STXBP4: variants seen among roughly 807,000 people sequenced by gnomAD.
STXBP4 encodes syntaxin binding protein 4.
STXBP4 carries 55 observed loss-of-function variants against 76.1 expected under a neutral mutation model. The ratio of observed to expected loss-of-function variants is 0.72; its 90% CI spans 0.58 to 0.91. The LOEUF is 0.91. STXBP4 is among the 40% of genes least tolerant of loss of function. STXBP4 has a pLI of 0.00. For synonymous variants in STXBP4, 201 were observed against 220.2 expected, an observed-to-expected ratio of 0.91 and a Z score of 0.77; for missense variants, 618 against 636.9, an observed-to-expected ratio of 0.97 and a Z score of 0.32.
At chr17:55,178,751 T>C in the STXBP4 span, among the ~76,000 whole-genome samples, 1 of 152,196 alleles carries the variant, frequency 6.6e-6, no homozygotes, top group Admixed American at 6.5e-5. Flanking sequence ...CCAGGACAGC[T>C]GAGGTCCAGT....
intron 8 of STXBP4, among the ~76,000 whole-genome samples, chr17:55,011,241 A>T (rs1208967132): frequency 2.6e-5 from 4 of 151,838 alleles, no homozygotes; most frequent in African/African-American, 9.7e-5. Flanking sequence ...TATTTTTTTT[A>T]ATTTTTTTTA....
At chr17:55,037,858 CATT>C (rs1312313871) in intron 10 of STXBP4, among the ~76,000 whole-genome samples, 2 of 152,098 alleles carry the variant, frequency 1.3e-5, no homozygotes, top group African/African-American at 4.8e-5. Context: ...TCTGAAGAAA[CATT>C]ATAAAAATCA....
intron 7 of STXBP4, among the ~76,000 whole-genome samples, chr17:55,006,165 A>G (rs775310039): frequency 6.6e-6 from 1 of 152,102 alleles, no homozygotes; most frequent in Non-Finnish European, 1.5e-5. Context: ...TTCAAAGTTT[A>G]ATTCCATTTG....
intron 1 of STXBP4, among the ~76,000 whole-genome samples, chr17:54,973,613 C>T (rs925002657): frequency 8.5e-5 from 13 of 152,134 alleles, no homozygotes; most frequent in Admixed American, 7.2e-4. Context: ...ATTTTTTTCT[C>T]TAAAGCTTTA....
At chr17:54,972,596 T>C (rs933624213) in intron 1 of STXBP4, among the ~76,000 whole-genome samples, 6 of 152,356 alleles carry the variant, frequency 3.9e-5, no homozygotes, top group Admixed American at 3.9e-4. Context: ...CATCACTTCC[T>C]TATTTTCTGG....
At chr17:55,147,797 A>G (rs1250559700) in intron 17 of STXBP4, among the ~76,000 whole-genome samples, 1 of 152,216 alleles carries the variant, frequency 6.6e-6, no homozygotes, top group Non-Finnish European at 1.5e-5. Context: ...TCTGTTGATA[A>G]TAGCTGTCTC....
At chr17:55,000,786 T>A (rs2077898534) in intron 6 of STXBP4, 22 bp from the exon 7 acceptor site, 1 of 1,512,814 alleles carries the variant, frequency 6.6e-7, no homozygotes, top group Non-Finnish European at 9.2e-7. Context: ...TGACATTGCA[T>A]GTTCCTCATT....
chr17:54,995,614 T>C (rs1041979063), intron 4 of STXBP4, among the ~76,000 whole-genome samples: 49 of 152,200 alleles, frequency 3.2e-4, no homozygotes, highest in African/African-American at 1.1e-3. Context: ...TTTGTGGCAT[T>C]GAAGTAGGAC....
At chr17:55,210,662 C>T in the STXBP4 span, among the ~76,000 whole-genome samples, 1 of 152,138 alleles carries the variant, frequency 6.6e-6, no homozygotes, top group Non-Finnish European at 1.5e-5. Flanking sequence ...TTAAAATATA[C>T]ACAGATATTG....
At chr17:55,043,565 G>A in intron 11 of STXBP4, 2 of 1,485,440 alleles carry the variant, frequency 1.3e-6, no homozygotes, top group Non-Finnish European at 1.8e-6. Flanking sequence ...TTTTGCTCAT[G>A]TCTTCTGTTG....
Position 55,166,955 on chromosome 17 carries a change from G to A in STXBP4, c.*7044G>A, listed in dbSNP as rs937972363. The stretch of plus-strand genomic sequence containing the variant: ...GTGGCTGTTCCACTCAACATCAGTA[G>A]CTAGGTGAGTAAATCAGGTGGAGGT... On this transcript the variant is annotated 3_prime_UTR_variant, in exon 18 of 18. Transcript: ENST00000376352. 2 of 152,224 alleles carry A rather than the reference G, an allele frequency of 1.3e-5. No homozygotes were observed. Among genetic ancestry groups the A allele is most frequent in the African/African-American group, 4.8e-5 (2 of 41,436 alleles). The allele number at this position is 152,224 out of a possible 1,614,324, so 9.4% of individuals were successfully genotyped here.
intron 12 of STXBP4, among the ~76,000 whole-genome samples, chr17:55,053,424 A>G (rs1204647886): frequency 6.6e-6 from 1 of 152,144 alleles, no homozygotes; most frequent in Non-Finnish European, 1.5e-5. Flanking sequence ...ATGAATAAAT[A>G]TGTGAGCGAG....
At chr17:55,128,673 T>C (rs981772385) in intron 16 of STXBP4, among the ~76,000 whole-genome samples, 2 of 151,986 alleles carry the variant, frequency 1.3e-5, no homozygotes, top group African/African-American at 4.8e-5. Flanking sequence ...TGGAGTGCAA[T>C]GGCACGATCT....
At chr17:55,157,035 T>C (rs2080285063) in intron 17 of STXBP4, among the ~76,000 whole-genome samples, 1 of 152,192 alleles carries the variant, frequency 6.6e-6, no homozygotes, top group Non-Finnish European at 1.5e-5. Flanking sequence ...AGCATGAGAA[T>C]ACTATTTATA....
chr17:55,202,426 AAATTAAATGACATTT>A, the STXBP4 span, among the ~76,000 whole-genome samples: 31 of 151,732 alleles, frequency 2.0e-4, no homozygotes, highest in East Asian at 5.8e-4. Flanking sequence ...TAATTTCACA[AAATTAAATGACATTT>A]AATTAAATGA....
At chr17:55,038,125 C>CT (rs1020157066) in intron 10 of STXBP4, among the ~76,000 whole-genome samples, 2 of 151,848 alleles carry the variant, frequency 1.3e-5, no homozygotes, top group Non-Finnish European at 2.9e-5. Flanking sequence ...TTCATGTTTT[C>CT]TTTTTTTGGC....
At chr17:55,097,422 G>A (rs1567760401) in intron 16 of STXBP4, among the ~76,000 whole-genome samples, 1 of 152,100 alleles carries the variant, frequency 6.6e-6, no homozygotes, top group East Asian at 1.9e-4. Context: ...CCAGCACTTT[G>A]GGGGGCCAAG....
chr17:55,147,433 A>T (rs934982185), intron 17 of STXBP4, among the ~76,000 whole-genome samples: 8 of 152,160 alleles, frequency 5.3e-5, no homozygotes, highest in African/African-American at 1.9e-4. Flanking sequence ...TGTGCAGCTG[A>T]GCTCCTAACA....
At chr17:55,101,915 C>A (rs1371690004) in intron 16 of STXBP4, among the ~76,000 whole-genome samples, 3 of 152,146 alleles carry the variant, frequency 2.0e-5, no homozygotes, top group Non-Finnish European at 2.9e-5. Flanking sequence ...ATAATGGACT[C>A]ATTTGTTATG....
Sources: allele counts gnomAD v4.1 joint callset (sites outside exome capture counted in the v4.1 genomes callset), GRCh38; gene constraint gnomAD v4.1.1; transcripts MANE v1.5; gene names NCBI Gene and HGNC (gene_info 2026-07-23, HGNC 2026-07-21).